GFPT2: variants seen among roughly 807,000 people sequenced by gnomAD.
GFPT2 encodes the protein glutamine--fructose-6-phosphate aminotransferase [isomerizing] 2.
GFPT2 carries 62 observed loss-of-function variants against 85.6 expected under a neutral mutation model. The observed-to-expected ratio is 0.72, with a 90% CI of 0.59 to 0.90. The LOEUF (loss-of-function observed/expected upper bound fraction) is 0.90. GFPT2 is among the 40% of genes least tolerant of loss of function. GFPT2 has a pLI of 0.00. For missense variants in GFPT2, 788 were observed against 893.4 expected (o/e 0.88, Z 1.50); for synonymous variants, 368 against 344.5 (o/e 1.07, Z -0.75).
chr5:180,315,181 CTTT>C lies in GFPT2; in HGVS notation c.1273+1157_1273+1159del, dbSNP rs536865519. Among the ~76,000 whole-genome samples the C allele has an allele frequency of 4.2e-3, 611 of 144,112 alleles. 3 individuals carry two copies. The highest frequency in any genetic ancestry group is 0.015 in the African/African-American group (592 of 39,566). The allele number at this position is 144,112 out of a possible 152,430, so 94.5% of individuals were successfully genotyped here. ...ACCGTGGTCATACGTTTTTCTTTTT[CTTT>C]TTTTTTTTTTTGAGACGGAGTCTCG... On this transcript the variant is annotated intron_variant, in intron 13 of 18. Transcript: ENST00000253778.
At chr5:180,333,868 A>G (rs1263428874) in intron 4 of GFPT2, among the ~76,000 whole-genome samples, 2 of 151,880 alleles carry the variant, frequency 1.3e-5, no homozygotes, top group Non-Finnish European at 2.9e-5. Context: ...ACACAATGAG[A>G]ATCATCATCT....
rs6887811 is a variant in GFPT2, at chr5:180,331,046, A to G, written c.400-212T>C. The G allele has an allele frequency of 8.7e-3, 4,949 of 568,784 alleles. 194 individuals carry two copies. The highest frequency in any genetic ancestry group is 0.085 in the African/African-American group (4,507 of 53,086). 35.2% of individuals were successfully genotyped at this position (568,784 alleles called of 1,614,324 possible). A position where few individuals can be genotyped will look rare whatever the true frequency, so the allele number is the denominator to read the frequency against. On this transcript the variant is annotated intron_variant, in intron 5 of 18. Coordinates refer to ENST00000253778, the MANE Select transcript of GFPT2 (RefSeq NM_005110.4). The stretch of plus-strand genomic sequence containing the variant: ...TGAGATCATCCCACCTCAGAAGCTC[A>G]CCCTTGCCACTAATCTGGACATTGC...
In GFPT2 at chr5:180,339,075, T is replaced by C. The variant is rs1415326345; in HGVS notation, c.8-475A>G. 2.0e-5 allele frequency among the ~76,000 whole-genome samples: 3 copies of C among 152,052 alleles called. No individual in the cohort carries two copies. In the East Asian group the frequency reaches 5.8e-4, roughly 29 times the overall value. The stretch of plus-strand genomic sequence containing the variant: ...TCCCCTTCTCCGTAAGGCTGGAACT[T>C]GACCTTAAATAAGCACTACTTGAGC... On this transcript the variant is annotated intron_variant, in intron 1 of 18. Transcript: ENST00000253778.
intron 1 of GFPT2, 33 bp from the exon 2 acceptor site, chr5:180,338,633 A>G (rs748113724): frequency 7.7e-7 from 1 of 1,290,820 alleles, no homozygotes; most frequent in South Asian, 1.2e-5. Flanking sequence ...TGCATTCATA[A>G]AATACTCAGC....
chr5:180,313,934 C>T lies in GFPT2; in HGVS notation c.1304G>A (p.Arg435His). ...GETADTLLAL[R>H]YCKDRGALTV... ...GAGAGCGCCGCGGTCCTTACAGTAG[C>T]GCAGCGCCAGGAGGGTGTCCGCGGT... The change falls in exon 14 of 19, where the codon CGC becomes CAC. Residue 435 changes from arginine to histidine, a missense_variant. Transcript: ENST00000253778. 3 of 1,603,542 alleles carry T rather than the reference C, an allele frequency of 1.9e-6. No homozygotes were observed. Among genetic ancestry groups the T allele is most frequent in the South Asian group, 1.1e-5 (1 of 90,704 alleles).
chr5:180,339,378 CA>C (rs34123923), intron 1 of GFPT2, among the ~76,000 whole-genome samples: 15,073 of 64,908 alleles, frequency 0.23, 365 homozygotes, highest in East Asian at 0.33. Flanking sequence ...GACTCTGTCT[CA>C]AAAAAAAAAA....
chr5:180,310,938 G>C (rs1191257225), intron 15 of GFPT2, among the ~76,000 whole-genome samples: 2 of 151,778 alleles, frequency 1.3e-5, no homozygotes, highest in African/African-American at 4.8e-5. Context: ...AGGACCTGTG[G>C]ACCACATCTG....
At chr5:180,325,852 C>T (rs1038810247) in intron 7 of GFPT2, among the ~76,000 whole-genome samples, 10 of 152,268 alleles carry the variant, frequency 6.6e-5, no homozygotes, top group African/African-American at 2.2e-4. Flanking sequence ...TGGCGGAACC[C>T]TGTCTCTACT....
At chr5:180,340,518 T>TG (rs1207710310) in intron 1 of GFPT2, among the ~76,000 whole-genome samples, 1 of 134,082 alleles carries the variant, frequency 7.5e-6, no homozygotes, top group East Asian at 2.3e-4. Context: ...CAGGTTTTTT[T>TG]TTTTTTTTTT....
At position 180,315,089 on chromosome 5, in the gene GFPT2, G is replaced by A. The variant is rs914828894; in HGVS notation, c.1274-1125C>T. Among the ~76,000 whole-genome samples the A allele has an allele frequency of 2.6e-5, 4 of 152,288 alleles. No homozygotes were observed. In the East Asian group the frequency reaches 7.7e-4, roughly 29 times the overall value. ...GAAATGGTATTTAAAATGGAAAATG[G>A]CAGGAGTACTAAAAGTCCTAATAGA... On this transcript the variant is annotated intron_variant, in intron 13 of 18. Coordinates refer to ENST00000253778, the MANE Select transcript of GFPT2 (RefSeq NM_005110.4).
At chr5:180,331,123 T>A (rs183702700) in intron 5 of GFPT2, among the ~76,000 whole-genome samples, 7 of 152,214 alleles carry the variant, frequency 4.6e-5, no homozygotes, top group African/African-American at 1.7e-4. Context: ...CCCACCCACA[T>A]CCCAACTAAC....
chr5:180,325,798 G>A lies in GFPT2; in HGVS notation c.597-903C>T, dbSNP rs146644582. 1.4e-3 allele frequency among the ~76,000 whole-genome samples: 207 copies of A among 152,348 alleles called. 1 individual carries two copies. The highest frequency in any genetic ancestry group is 3.4e-3 in the Middle Eastern group (1 of 294). On this transcript the variant is annotated intron_variant, in intron 7 of 18. Transcript: ENST00000253778. ...TCCCAGCACTTTGCGGGGCTGAAGC[G>A]CGCAGATCACGAGATCAGGAGTTTG...
At chr5:180,341,509 G>A (rs971441710) in intron 1 of GFPT2, among the ~76,000 whole-genome samples, 2 of 152,098 alleles carry the variant, frequency 1.3e-5, no homozygotes, top group South Asian at 4.1e-4. Flanking sequence ...TCAAAAATAG[G>A]CAATAAAATT....
chr5:180,318,524 G>A lies in GFPT2; in HGVS notation c.958+269C>T, dbSNP rs904276901. 2.2e-5 allele frequency: 10 copies of A among 458,982 alleles called. No individual in the cohort carries two copies. Among genetic ancestry groups the A allele is most frequent in the Non-Finnish European group, 2.8e-5 (7 of 250,756 alleles). The allele number at this position is 458,982 out of a possible 1,614,324, so 28.4% of individuals were successfully genotyped here. On this transcript the variant is annotated intron_variant, in intron 10 of 18. Coordinates refer to ENST00000253778, the MANE Select transcript of GFPT2 (RefSeq NM_005110.4). This position sits in a 1 kb window ranked among gnomAD's most constrained non-coding sequence, Gnocchi z 4.2. ...GGTGGGCATGTGTCCCGCGGAGTCGGTGAAGGAAGGCAGCTGACACACTGG... is the reference window on the plus strand; with the variant it reads ...GGTGGGCATGTGTCCCGCGGAGTCGATGAAGGAAGGCAGCTGACACACTGG...
rs1293054094 is a variant in GFPT2 at position 180,323,401 on chromosome 5, C to G, written c.794+787G>C. On this transcript the variant is annotated intron_variant, in intron 9 of 18. Transcript: ENST00000253778. This position sits in a 1 kb window ranked among gnomAD's most constrained non-coding sequence, Gnocchi z 4.0. ...CAGCACGGCCCTATTAGAGGCTGGTCGGGAAAGAGAAAACCCATCAAGAAT... is the reference window on the plus strand; with the variant it reads ...CAGCACGGCCCTATTAGAGGCTGGTGGGGAAAGAGAAAACCCATCAAGAAT... 6.6e-6 allele frequency among the ~76,000 whole-genome samples: 1 copy of G among 151,970 alleles called. No homozygotes were observed.
In GFPT2 at chr5:180,336,518, T is replaced by A; in HGVS notation, c.175A>T (p.Lys59Ter). 5 of 1,612,008 alleles carry A rather than the reference T, an allele frequency of 3.1e-6. No homozygotes were observed. Among genetic ancestry groups the A allele is most frequent in the Non-Finnish European group, 4.2e-6 (5 of 1,178,020 alleles). The change falls in exon 3 of 19, where the codon AAA becomes TAA. Residue 59 changes from lysine (K) to a stop codon, truncating the protein, a stop_gained. Transcript: ENST00000253778. LOFTEE classifies it high-confidence loss of function. ...TCGAGAGCCTTGACTTTCCCCCTTT[T>A]CTTGACCAGCTGAATGTGTCTTTCT... is the stretch of plus-strand genomic sequence containing the variant. ...VKERHIQLVK[K>*]RGKVKALDEE...
At chr5:180,343,278 G>A (rs577354503) in intron 1 of GFPT2, among the ~76,000 whole-genome samples, 2 of 152,184 alleles carry the variant, frequency 1.3e-5, no homozygotes, top group Non-Finnish European at 2.9e-5. Context: ...TCCTGCACAC[G>A]TCAGGCGAGA....
intron 17 of GFPT2, among the ~76,000 whole-genome samples, chr5:180,304,295 G>A (rs1052848066): frequency 6.6e-6 from 1 of 152,350 alleles, no homozygotes; most frequent in East Asian, 1.9e-4. Context: ...CTGAACTTCA[G>A]GGGAGAGTGG....
At chr5:180,316,628 C>A in intron 12 of GFPT2, 136 bp downstream of exon 12, 1 of 904,288 alleles carries the variant, frequency 1.1e-6, no homozygotes, top group Non-Finnish European at 1.7e-6. Flanking sequence ...GGCTCCGTGT[C>A]ATTTCTCACG....
Sources: allele counts gnomAD v4.1 joint callset (sites outside exome capture counted in the v4.1 genomes callset), GRCh38; gene constraint gnomAD v4.1.1; non-coding constraint Gnocchi (gnomAD v3.1); transcripts MANE v1.5; gene names NCBI Gene and HGNC (gene_info 2026-07-23, HGNC 2026-07-21).